The following N4BP2 variants were observed in gnomAD, a reference collection of about 807,000 sequenced individuals.
N4BP2 encodes NEDD4-binding protein 2.
Under a neutral mutation model 152.8 loss-of-function variants are expected in N4BP2, and 91 were observed. That is an observed-to-expected ratio of 0.60 (90% CI 0.50 to 0.71). The LOEUF (loss-of-function observed/expected upper bound fraction) is 0.71, where lower values mean the gene tolerates loss of function less well. Among genes scored for constraint, N4BP2 ranks in the 30% least tolerant of loss-of-function variants. The pLI is 0.00. For synonymous variants in N4BP2, 646 were observed against 705.3 expected (o/e 0.92, Z 1.33); for missense variants, 1,923 against 2,059.1 (o/e 0.93, Z 1.28).
intron 1 of N4BP2, among the ~76,000 whole-genome samples, chr4:40,060,899 C>T (rs1196924876): frequency 2.6e-5 from 4 of 152,286 alleles, no homozygotes; most frequent in South Asian, 2.1e-4. Flanking sequence ...GCCATCACGC[C>T]TGGCCTGTTT....
intron 14 of N4BP2, among the ~76,000 whole-genome samples, chr4:40,141,271 C>T (rs1377063663): frequency 1.3e-5 from 2 of 151,712 alleles, no homozygotes; most frequent in Non-Finnish European, 1.5e-5. Flanking sequence ...CGGTGGGTGA[C>T]CCCCACCTCC....
intron 2 of N4BP2, among the ~76,000 whole-genome samples, chr4:40,089,641 TG>T (rs1714341309): frequency 6.6e-6 from 1 of 152,098 alleles, no homozygotes; most frequent in Non-Finnish European, 1.5e-5. Flanking sequence ...TTCGCCATGT[TG>T]GCCAGGCTGG....
intron 14 of N4BP2, 75 bp from the exon 15 acceptor site, chr4:40,142,598 G>A (rs767578071): frequency 6.0e-6 from 6 of 1,001,034 alleles, no homozygotes; most frequent in Non-Finnish European, 8.9e-6. Context: ...TTTCATGTGC[G>A]TTTTGTGAAG....
Position 40,127,188 on chromosome 4 carries a change from C to T in N4BP2, c.4527+858C>T, listed in dbSNP as rs140389936. 2.8e-3 allele frequency among the ~76,000 whole-genome samples: 430 copies of T among 151,810 alleles called. 4 individuals are homozygous for T. Among genetic ancestry groups the T allele is most frequent in the African/African-American group, 9.7e-3 (402 of 41,398 alleles). Reference sequence around the variant, plus strand: ...AAAGGCATGAGCCACTGTGCCTGACCGGCTGCATCTTCTTCTTCTTTTTTT... The same window carrying T: ...AAAGGCATGAGCCACTGTGCCTGACTGGCTGCATCTTCTTCTTCTTTTTTT... On this transcript the variant is annotated intron_variant, in intron 12 of 17. Coordinates refer to ENST00000261435, the MANE Select transcript of N4BP2 (RefSeq NM_018177.6).
intron 14 of N4BP2, among the ~76,000 whole-genome samples, 189 bp downstream of exon 14, chr4:40,137,271 T>C (rs10032009): frequency 0.016 from 2,461 of 152,350 alleles, 69 homozygotes; most frequent in African/African-American, 0.057. Flanking sequence ...GCTGATTTTT[T>C]CCTTCGTGTG....
the N4BP2 span, among the ~76,000 whole-genome samples, chr4:40,185,723 T>C: frequency 6.6e-6 from 1 of 152,190 alleles, no homozygotes; most frequent in Admixed American, 6.5e-5. Context: ...TAATTTAAAA[T>C]GCCATGTAAG....
chr4:40,125,071 C>T (rs2110004016), intron 11 of N4BP2, among the ~76,000 whole-genome samples: 1 of 152,320 alleles, frequency 6.6e-6, no homozygotes, highest in South Asian at 2.1e-4. Flanking sequence ...CCACATGCCT[C>T]TGTTGTCCAG....
intron 1 of N4BP2, among the ~76,000 whole-genome samples, chr4:40,065,183 G>A (rs1340379812): frequency 6.6e-6 from 1 of 152,288 alleles, no homozygotes; most frequent in Non-Finnish European, 1.5e-5. Flanking sequence ...AGAAGAGGAG[G>A]CCAAAGGTAG....
chr4:40,153,855 A>C (rs1316939491), intron 17 of N4BP2, among the ~76,000 whole-genome samples: 1 of 152,144 alleles, frequency 6.6e-6, no homozygotes, highest in Non-Finnish European at 1.5e-5. Context: ...GATATATCAG[A>C]GATTTCTTCT....
At chr4:40,083,576 A>G (rs762345856) in intron 2 of N4BP2, among the ~76,000 whole-genome samples, 1 of 152,220 alleles carries the variant, frequency 6.6e-6, no homozygotes, top group Non-Finnish European at 1.5e-5. Context: ...AGCCAGTCAC[A>G]AAAGGCCATG....
intron 9 of N4BP2, 25 bp downstream of exon 9, chr4:40,122,334 T>G: frequency 7.0e-7 from 1 of 1,419,952 alleles, no homozygotes; most frequent in Non-Finnish European, 9.5e-7. Flanking sequence ...AATGACCATG[T>G]GTGTGTCTTT....
the N4BP2 span, among the ~76,000 whole-genome samples, chr4:40,190,212 G>A: frequency 2.2e-4 from 34 of 152,092 alleles, no homozygotes; most frequent in African/African-American, 7.2e-4. Context: ...CTTGTTGTTC[G>A]CTGCTGTCTC....
At position 40,102,320 on chromosome 4, in the gene N4BP2, G is replaced by C. The variant is rs142054417; in HGVS notation, c.475G>C (p.Asp159His). Reference sequence around the variant, plus strand: ...TGAGAAATTGAACTCTTCTCCTGATGACCAAGTATACTCATTTTTGCCTTC... The same window carrying C: ...TGAGAAATTGAACTCTTCTCCTGATCACCAAGTATACTCATTTTTGCCTTC... ...AFEKLNSSPD[D>H]QVYSFLPSQD... The change falls in exon 4 of 18, where the codon GAC becomes CAC. Residue 159 changes from aspartate (D) to histidine (H), a missense_variant. Asp to His is a moderately conservative substitution (Grantham distance 81, BLOSUM62 -1). Coordinates refer to ENST00000261435, the MANE Select transcript of N4BP2 (RefSeq NM_018177.6). The C allele has an allele frequency of 1.9e-4, 314 of 1,613,256 alleles. 2 individuals are homozygous for C. The highest frequency in any genetic ancestry group is 2.7e-5 in the Non-Finnish European group (32 of 1,179,750).
chr4:40,093,671 C>G (rs28829300), intron 2 of N4BP2, among the ~76,000 whole-genome samples: 4 of 152,008 alleles, frequency 2.6e-5, no homozygotes, highest in Non-Finnish European at 5.9e-5. Context: ...GGCTGGAGTG[C>G]AATGGCACTG....
intron 7 of N4BP2, among the ~76,000 whole-genome samples, chr4:40,115,066 TTTAA>T (rs1455243449): frequency 6.6e-6 from 1 of 152,250 alleles, no homozygotes; most frequent in Non-Finnish European, 1.5e-5. Context: ...TTTTCTAATG[TTTAA>T]TTAATTTCTG....
At chr4:40,129,834 A>AT (rs1179097297) in intron 12 of N4BP2, among the ~76,000 whole-genome samples, 1 of 152,128 alleles carries the variant, frequency 6.6e-6, no homozygotes, top group Non-Finnish European at 1.5e-5. Context: ...CTTTGTATAT[A>AT]TTTTTTAAAG....
Position 40,112,092 on chromosome 4 carries a change from G to A in N4BP2, c.1507G>A (p.Ala503Thr). The A allele has an allele frequency of 1.3e-6, 2 of 1,497,308 alleles. No homozygotes were observed. Among genetic ancestry groups the A allele is most frequent in the East Asian group, 4.6e-5 (2 of 43,258 alleles). 92.8% of individuals were successfully genotyped at this position (1,497,308 alleles called of 1,614,324 possible). A position where few individuals can be genotyped will look rare whatever the true frequency, so the allele number is the denominator to read the frequency against. ...TATGTTATGTTTTTCAGCAAAAGAA[G>A]CATTTGAGAAGAAGATATCTCCTAT... ...HEWNQNRAKE[A>T]FEKKISPIII... The change falls in exon 6 of 18, where the codon GCA becomes ACA. Residue 503 changes from alanine to threonine, a missense_variant. By Grantham distance (58) the Ala-to-Thr change is moderately conservative. Transcript: ENST00000261435.
chr4:40,106,796 A>C (rs573849938), intron 4 of N4BP2, 104 bp from the exon 5 acceptor site: 1 of 1,110,702 alleles, frequency 9.0e-7, no homozygotes, highest in Non-Finnish European at 1.3e-6. Flanking sequence ...TGATCCACAA[A>C]ATGATAGTAC....
intron 1 of N4BP2, among the ~76,000 whole-genome samples, chr4:40,058,355 A>G (rs1733386919): frequency 6.6e-6 from 1 of 152,146 alleles, no homozygotes; most frequent in African/African-American, 2.4e-5. Flanking sequence ...GTTTACTGCT[A>G]AAGGTCAGAA....
Sources: gnomAD v4.1 joint callset for allele counts (sites outside exome capture counted in the v4.1 genomes callset) on GRCh38, gnomAD v4.1.1 for gene constraint, MANE v1.5 for transcripts, NCBI Gene and HGNC (gene_info 2026-07-23, HGNC 2026-07-21) for gene names.